The following SCAND3 variants were observed in gnomAD, a reference collection of about 807,000 sequenced individuals.
The protein encoded by SCAND3 is SCAN domain-containing protein 3.
chr6:28,605,505 G>A, the SCAND3 span, among the ~76,000 whole-genome samples: 2 of 151,928 alleles, frequency 1.3e-5, no homozygotes, highest in South Asian at 2.1e-4. Context: ...CTAGTCATGC[G>A]AAAGTATCAG....
At chr6:28,598,189 G>A in the SCAND3 span, among the ~76,000 whole-genome samples, 1 of 152,072 alleles carries the variant, frequency 6.6e-6, no homozygotes, top group South Asian at 2.1e-4. Context: ...TGACCTGGGC[G>A]GGCCACTTAA....
chr6:28,603,160 T>C, the SCAND3 span, among the ~76,000 whole-genome samples: 1 of 151,920 alleles, frequency 6.6e-6, no homozygotes, highest in African/African-American at 2.4e-5. Context: ...GAGACGGGGT[T>C]TCACCGTGTT....
chr6:28,605,771 G>A, the SCAND3 span, among the ~76,000 whole-genome samples: 18 of 152,056 alleles, frequency 1.2e-4, no homozygotes, highest in African/African-American at 4.1e-4. Context: ...ATTTGAACCC[G>A]GGAGGCGGAG....
the SCAND3 span, among the ~76,000 whole-genome samples, chr6:28,588,396 A>G: frequency 6.7e-6 from 1 of 150,210 alleles, no homozygotes; most frequent in Non-Finnish European, 1.5e-5. This position sits in a 1 kb window ranked among gnomAD's most constrained non-coding sequence, Gnocchi z 4.1. Flanking sequence ...TAAGTCCTTT[A>G]CTGACGAGCC....
the SCAND3 span, chr6:28,586,903 C>T: frequency 5.5e-5 from 32 of 581,648 alleles, no homozygotes; most frequent in Admixed American, 9.8e-4. The surrounding 1 kb of genome is among the most constrained non-coding windows in gnomAD (Gnocchi z 4.4). Flanking sequence ...GGCAGTTACT[C>T]GGGCAATTCC....
At chr6:28,589,873 T>TC in the SCAND3 span, 2 of 143,498 alleles carry the variant, frequency 1.4e-5, no homozygotes, top group East Asian at 2.0e-4. Flanking sequence ...TTTTTTTTTT[T>TC]CGCTGTGGAC....
At chr6:28,584,972 T>C in the SCAND3 span, among the ~76,000 whole-genome samples, 18 of 152,386 alleles carry the variant, frequency 1.2e-4, no homozygotes, top group East Asian at 3.5e-3. Flanking sequence ...AAAGACTGCA[T>C]TGGATTGCTT....
At chr6:28,570,762 G>C in the SCAND3 span, 1 of 152,170 alleles carries the variant, frequency 6.6e-6, no homozygotes, top group Admixed American at 6.5e-5. Context: ...ATTCTGTCAT[G>C]TTTTGATGCT....
chr6:28,573,871 T>A, the SCAND3 span: 1 of 1,487,912 alleles, frequency 6.7e-7, no homozygotes, highest in South Asian at 1.4e-5. Context: ...TTTACTTTCC[T>A]CCTTCAGCTA....
At chr6:28,589,856 G>GT in the SCAND3 span, 14,196 of 116,370 alleles carry the variant, frequency 0.12, 973 homozygotes, top group East Asian at 0.29. Context: ...TTTTTTGTTT[G>GT]TTTTTTTTTT....
At chr6:28,588,893 T>C in the SCAND3 span, among the ~76,000 whole-genome samples, 1 of 152,214 alleles carries the variant, frequency 6.6e-6, no homozygotes, top group Admixed American at 6.5e-5. The surrounding 1 kb of genome is among the most constrained non-coding windows in gnomAD (Gnocchi z 4.1). Flanking sequence ...TGTGTTAAGA[T>C]CCTTTCCTTG....
the SCAND3 span, among the ~76,000 whole-genome samples, chr6:28,588,475 TA>T: frequency 6.6e-6 from 1 of 152,188 alleles, no homozygotes; most frequent in Non-Finnish European, 1.5e-5. The surrounding 1 kb of genome is among the most constrained non-coding windows in gnomAD (Gnocchi z 4.1). Context: ...TAGACACTTA[TA>T]AAAAAAGTCA....
the SCAND3 span, among the ~76,000 whole-genome samples, chr6:28,581,773 A>G: frequency 6.6e-6 from 1 of 152,256 alleles, no homozygotes; most frequent in African/African-American, 2.4e-5. Flanking sequence ...CTCCCTGGCC[A>G]GAATTCTGTT....
chr6:28,594,710 G>A, the SCAND3 span, among the ~76,000 whole-genome samples: 1 of 152,090 alleles, frequency 6.6e-6, no homozygotes, highest in Admixed American at 6.5e-5. Context: ...TAAAAAGAAA[G>A]AAATTCTGTC....
chr6:28,575,966 CT>C, the SCAND3 span: 3 of 1,613,574 alleles, frequency 1.9e-6, no homozygotes, highest in Non-Finnish European at 2.5e-6. This position sits in a 1 kb window ranked among gnomAD's most constrained non-coding sequence, Gnocchi z 4.2. Flanking sequence ...CAGTACTTTG[CT>C]TTAGAAAATA....
At chr6:28,600,748 T>C in the SCAND3 span, among the ~76,000 whole-genome samples, 1 of 152,290 alleles carries the variant, frequency 6.6e-6, no homozygotes, top group South Asian at 2.1e-4. Flanking sequence ...TTTGCATAAC[T>C]GGAAAAATTG....
At chr6:28,601,581 G>GTGA in the SCAND3 span, among the ~76,000 whole-genome samples, 31 of 152,132 alleles carry the variant, frequency 2.0e-4, no homozygotes, top group African/African-American at 7.0e-4. Context: ...CTGCAGTGGT[G>GTGA]TGATCTCAGT....
the SCAND3 span, chr6:28,579,459 A>C: frequency 6.4e-7 from 1 of 1,570,498 alleles, no homozygotes; most frequent in Non-Finnish European, 8.7e-7. This position sits in a 1 kb window ranked among gnomAD's most constrained non-coding sequence, Gnocchi z 4.5. Flanking sequence ...AATACAAATA[A>C]TTGTAGTTTG....
the SCAND3 span, among the ~76,000 whole-genome samples, chr6:28,605,314 T>G: frequency 3.1e-4 from 47 of 152,320 alleles, no homozygotes; most frequent in East Asian, 8.7e-3. Flanking sequence ...TTGAGTGACC[T>G]CTAAAGAATT....
Sources: allele counts gnomAD v4.1 joint callset (sites outside exome capture counted in the v4.1 genomes callset), GRCh38; gene constraint gnomAD v4.1.1; non-coding constraint Gnocchi (gnomAD v3.1); transcripts MANE v1.5; gene names NCBI Gene and HGNC (gene_info 2026-07-23, HGNC 2026-07-21).